TRAM1: variants seen among roughly 807,000 people sequenced by gnomAD.
TRAM1 encodes the protein translocation associated membrane protein 1, also known as translocating chain-associated membrane protein 1.
In TRAM1, 17 loss-of-function variants were observed where a neutral mutation model predicts 48.7. The ratio of observed to expected loss-of-function variants is 0.35; its 90% confidence interval spans 0.24 to 0.52. The LOEUF is 0.52. Ranked by LOEUF, TRAM1 falls within the 20% of genes least tolerant of loss-of-function variation. The probability of loss-of-function intolerance (pLI) is 0.94; values close to 1 mark genes in which losing one functional copy is unlikely to be tolerated. For missense variants in TRAM1, 351 were observed against 441.5 expected, an observed-to-expected ratio of 0.79 and a Z score of 1.84; for synonymous variants, 182 against 154.0, an observed-to-expected ratio of 1.18 and a Z score of -1.34.
At chr8:70,577,964 G>C (rs1816994799) in intron 10 of TRAM1, among the ~76,000 whole-genome samples, 1 of 152,258 alleles carries the variant, frequency 6.6e-6, no homozygotes, top group Admixed American at 6.5e-5. Flanking sequence ...GCAGCAGCCT[G>C]TGTGTCTGGC....
Position 70,574,862 on chromosome 8 carries a change from T to C in TRAM1, c.*70A>G. 1.8e-6 allele frequency: 2 copies of C among 1,085,180 alleles called. No individual in the cohort carries two copies. The highest frequency in any genetic ancestry group is 2.7e-6 in the Non-Finnish European group (2 of 729,128). 67.2% of individuals were successfully genotyped at this position (1,085,180 alleles called of 1,614,324 possible). A position where few individuals can be genotyped will look rare whatever the true frequency, so the allele number is the denominator to read the frequency against. ...GACTGTATTTTCAAGAACAGAAAAA[T>C]CTCTAATGCTGAAAGATATAGTAGA... On this transcript the variant is annotated 3_prime_UTR_variant, in exon 11 of 11. Transcript: ENST00000262213.
At position 70,587,165 on chromosome 8, in the gene TRAM1, A is replaced by C. The variant is rs894691545; in HGVS notation, c.582T>G (p.Pro194=). 4 of 1,613,786 alleles carry C rather than the reference A, an allele frequency of 2.5e-6. No homozygotes were observed. Among genetic ancestry groups the C allele is most frequent in the Non-Finnish European group, 1.7e-6 (2 of 1,179,778 alleles). The part of the protein sequence containing the change: ...YFQKTKKEDI[P]RQLVYIGLYL... ...AAAGACCAATGTAGACAAGCTGACG[A>C]GGAATATCTTCCTGTAAAAAAATAC... The change falls in exon 7 of 11, where the codon CCT becomes CCG. Residue 194 remains proline (P), a synonymous_variant. Coordinates refer to ENST00000262213, the MANE Select transcript of TRAM1 (RefSeq NM_014294.6).
intron 6 of TRAM1, among the ~76,000 whole-genome samples, chr8:70,591,380 C>T (rs1185369981): frequency 1.3e-5 from 2 of 152,192 alleles, no homozygotes; most frequent in Admixed American, 6.5e-5. Flanking sequence ...GGGGTTACAG[C>T]CCCGATGGCA....
intron 10 of TRAM1, among the ~76,000 whole-genome samples, chr8:70,579,279 G>A (rs1166364530): frequency 6.6e-6 from 1 of 152,132 alleles, no homozygotes; most frequent in Non-Finnish European, 1.5e-5. Context: ...GAATACTTTA[G>A]GCAACTGTAA....
At chr8:70,582,888 TA>T (rs1186666923) in intron 10 of TRAM1, among the ~76,000 whole-genome samples, 1 of 152,172 alleles carries the variant, frequency 6.6e-6, no homozygotes, top group Non-Finnish European at 1.5e-5. Flanking sequence ...AACCTGCCCA[TA>T]AAGTTTGGTC....
chr8:70,607,109 AAAATT>A, intron 1 of TRAM1: 3 of 979,178 alleles, frequency 3.1e-6, no homozygotes, highest in South Asian at 4.7e-5. Context: ...GCTCCAGAGA[AAAATT>A]AAAAAGGGAA....
chr8:70,583,969 C>T lies in TRAM1; in HGVS notation c.747-176G>A, dbSNP rs569790709. ...TGGAGGTCACAGTGAGCAGAGATTG[C>T]GCCACTGCACTCCAGCCTGGGCAAC... On this transcript the variant is annotated intron_variant, in intron 8 of 10. Coordinates refer to ENST00000262213, the MANE Select transcript of TRAM1 (RefSeq NM_014294.6). Among the ~76,000 whole-genome samples, 15 of 152,142 alleles carry T rather than the reference C, an allele frequency of 9.9e-5. No homozygotes were observed. The South Asian group carries it at 1.5e-3, about 15-fold the overall frequency.
intron 4 of TRAM1, 117 bp downstream of exon 4, chr8:70,597,778 T>C (rs2132041207): frequency 2.9e-6 from 2 of 695,842 alleles, no homozygotes; most frequent in South Asian, 4.2e-5. Flanking sequence ...TTTTGCTGTA[T>C]AAAAAAATAC....
chr8:70,578,669 G>C lies in TRAM1; in HGVS notation c.1052-3664C>G, dbSNP rs572455204. On this transcript the variant is annotated intron_variant, in intron 10 of 10. Transcript: ENST00000262213. ...AGACTCTAGGTCAGAGGGCTTAGTTGGTGAACACTTCCAAACACTTAAATA... is the reference window on the plus strand; with the variant it reads ...AGACTCTAGGTCAGAGGGCTTAGTTCGTGAACACTTCCAAACACTTAAATA... Among the ~76,000 whole-genome samples the C allele has an allele frequency of 5.9e-5, 9 of 152,248 alleles. No homozygotes were observed. The East Asian group carries it at 1.7e-3, about 29-fold the overall frequency.
chr8:70,600,545 A>G (rs1426647295), intron 1 of TRAM1, among the ~76,000 whole-genome samples: 2 of 152,208 alleles, frequency 1.3e-5, no homozygotes, highest in Non-Finnish European at 2.9e-5. Flanking sequence ...GTGGTCAATA[A>G]CTGTTTAACT....
rs759563263 is a variant in TRAM1 at position 70,586,932 on chromosome 8, G to T, written c.709C>A (p.Arg237Ser). The T allele has an allele frequency of 2.5e-6, 4 of 1,613,564 alleles. No homozygotes were observed. The South Asian group carries it at 3.3e-5, about 13-fold the overall frequency. Residue 237 changes from arginine to serine, a missense_variant, in exon 8 of 11, where the codon CGC becomes AGC. Transcript: ENST00000262213. The stretch of plus-strand genomic sequence containing the variant: ...TTTTCATTGCTAAAATAAAACAGGC[G>T]GGAAATGTGGAAAAGAAATTCAACA... ...YFVEFLFHIS[R>S]LFYFSNEKYQ...
chr8:70,589,462 A>C (rs988801772), intron 6 of TRAM1, among the ~76,000 whole-genome samples: 12 of 152,216 alleles, frequency 7.9e-5, no homozygotes, highest in Non-Finnish European at 1.8e-4. Flanking sequence ...TATATATGCC[A>C]GTGTTTCCCA....
intron 6 of TRAM1, 115 bp downstream of exon 6, chr8:70,594,391 T>C: frequency 1.6e-6 from 1 of 608,872 alleles, no homozygotes; most frequent in Non-Finnish European, 2.7e-6. Context: ...GGGTAAGAGT[T>C]GAGGTAAGAA....
At chr8:70,580,467 T>C (rs1294751770) in intron 10 of TRAM1, among the ~76,000 whole-genome samples, 1 of 152,104 alleles carries the variant, frequency 6.6e-6, no homozygotes. Context: ...GTTATCTCAA[T>C]AGATGCAGGA....
intron 6 of TRAM1, among the ~76,000 whole-genome samples, chr8:70,588,489 C>T (rs971419460): frequency 3.9e-5 from 6 of 152,046 alleles, no homozygotes; most frequent in Non-Finnish European, 5.9e-5. Context: ...ATTTGGGAAG[C>T]TGAGGCAGAA....
intron 1 of TRAM1, among the ~76,000 whole-genome samples, chr8:70,601,552 T>G (rs555110848): frequency 1.3e-5 from 2 of 152,220 alleles, no homozygotes; most frequent in East Asian, 3.8e-4. Flanking sequence ...CATGCCTGTT[T>G]CCACTCATCA....
At chr8:70,580,225 T>C (rs1191227933) in intron 10 of TRAM1, among the ~76,000 whole-genome samples, 1 of 152,154 alleles carries the variant, frequency 6.6e-6, no homozygotes, top group Non-Finnish European at 1.5e-5. Flanking sequence ...ATTATCTTGA[T>C]ACTAAAACCA....
intron 8 of TRAM1, among the ~76,000 whole-genome samples, chr8:70,584,726 T>C (rs568029544): frequency 0.074 from 11,187 of 152,032 alleles, 442 homozygotes; most frequent in Non-Finnish European, 0.086. Context: ...TTACAAGGGA[T>C]GTGAAGGACC....
rs1174928753 is a variant in TRAM1 at position 70,573,286 on chromosome 8, A to T, written c.*1646T>A. On this transcript the variant is annotated 3_prime_UTR_variant, in exon 11 of 11. Coordinates refer to ENST00000262213, the MANE Select transcript of TRAM1 (RefSeq NM_014294.6). ...TCTATCCCCCCAGTAGTCCTCACCAATATTCTGTGGAACAAATCTGTTTAT... is the reference window on the plus strand; with the variant it reads ...TCTATCCCCCCAGTAGTCCTCACCATTATTCTGTGGAACAAATCTGTTTAT... Among the ~76,000 whole-genome samples, 2 of 152,144 alleles carry T rather than the reference A, an allele frequency of 1.3e-5. No individual in the cohort carries two copies. The highest frequency in any genetic ancestry group is 2.9e-5 in the Non-Finnish European group (2 of 68,026).
Sources: allele counts gnomAD v4.1 joint callset (sites outside exome capture counted in the v4.1 genomes callset), GRCh38; gene constraint gnomAD v4.1.1; transcripts MANE v1.5; gene names NCBI Gene and HGNC (gene_info 2026-07-23, HGNC 2026-07-21).